Variants in KNTC1 observed in about 807,000 individuals in gnomAD.
KNTC1 encodes kinetochore associated 1, also known as kinetochore-associated protein 1.
Under a neutral mutation model 314.4 loss-of-function variants are expected in KNTC1, and 253 were observed. The observed-to-expected ratio is 0.80, with a 90% CI of 0.73 to 0.89. KNTC1 has a LOEUF of 0.89. Ranked by LOEUF, KNTC1 falls within the 40% of genes least tolerant of loss-of-function variation. KNTC1 has a pLI of 0.00. For missense variants in KNTC1, 2,475 were observed against 2,572.9 expected, an observed-to-expected ratio of 0.96 and a Z score of 0.82; for synonymous variants, 901 against 901.4, an observed-to-expected ratio of 1.00 and a Z score of 0.01.
Position 122,530,169 on chromosome 12 carries a change from C to T in KNTC1, c.106C>T (p.Leu36=), listed in dbSNP as rs775138349. The T allele has an allele frequency of 6.2e-7, 1 of 1,613,280 alleles. No homozygotes were observed. Residue 36 remains leucine (L), a synonymous_variant, in exon 2 of 64, where the codon CTA becomes TTA. Transcript: ENST00000333479. ...AACTGCTTTATATCAAGTAGATTTGCTAGTGAAGATCTCTTCTGAAAAGGT... is the reference window on the plus strand; with the variant it reads ...AACTGCTTTATATCAAGTAGATTTGTTAGTGAAGATCTCTTCTGAAAAGGT... The part of the protein sequence containing the change: ...HGTALYQVDL[L]VKISSEKASL...
chr12:122,626,178 A>G, intron 63 of KNTC1, 27 bp from the exon 64 acceptor site: 2 of 1,527,512 alleles, frequency 1.3e-6, no homozygotes, highest in Non-Finnish European at 1.8e-6. Flanking sequence ...ACTTATAAAA[A>G]TCACTTCTGT....
intron 4 of KNTC1, among the ~76,000 whole-genome samples, chr12:122,538,759 T>C (rs1401860348): frequency 6.6e-6 from 1 of 152,202 alleles, no homozygotes; most frequent in Non-Finnish European, 1.5e-5. Context: ...CCGAAGGGCT[T>C]AGCTCTTGTC....
At chr12:122,542,701 G>T (rs992096608) in intron 6 of KNTC1, among the ~76,000 whole-genome samples, 3 of 152,060 alleles carry the variant, frequency 2.0e-5, no homozygotes, top group Non-Finnish European at 4.4e-5. Context: ...GGAGGCAGAG[G>T]TGCGGTGAGC....
At chr12:122,528,260 C>T (rs1434290122) in intron 1 of KNTC1, among the ~76,000 whole-genome samples, 1 of 152,206 alleles carries the variant, frequency 6.6e-6, no homozygotes, top group Admixed American at 6.5e-5. Context: ...CTCCTCACTC[C>T]CACCCAAACA....
chr12:122,544,984 A>G (rs1455983686), intron 8 of KNTC1, among the ~76,000 whole-genome samples: 2 of 152,168 alleles, frequency 1.3e-5, no homozygotes, highest in Non-Finnish European at 2.9e-5. Flanking sequence ...GTTATTAGTG[A>G]AATGGGAACG....
chr12:122,551,237 C>G, intron 13 of KNTC1, 82 bp from the exon 14 acceptor site: 3 of 904,684 alleles, frequency 3.3e-6, no homozygotes, highest in Non-Finnish European at 5.2e-6. Context: ...ATAATTCATG[C>G]CTGAACCAGT....
chr12:122,582,707 G>A lies in KNTC1; in HGVS notation c.2985G>A (p.Glu995=). Reference sequence around the variant, plus strand: ...TGTCTTGCTTACCTTTGCTACAGGAGAACTTTGAGGTCTTTCTTTCATTTG... The same window carrying A: ...TGTCTTGCTTACCTTTGCTACAGGAAAACTTTGAGGTCTTTCTTTCATTTG... ...KLFKEVASLQ[E]NFEVFLSFED... is the part of the protein sequence containing the mutation. The change falls in exon 34 of 64, where the codon GAG becomes GAA. Residue 995 remains glutamate, a splice_region_variant and synonymous_variant. Coordinates refer to ENST00000333479, the MANE Select transcript of KNTC1 (RefSeq NM_014708.6). 1.3e-6 allele frequency: 2 copies of A among 1,591,388 alleles called. No homozygotes were observed. The highest frequency in any genetic ancestry group is 1.7e-6 in the Non-Finnish European group (2 of 1,166,526).
chr12:122,554,064 T>TAA lies in KNTC1; in HGVS notation c.1272+2380_1272+2381dup, dbSNP rs71085821. On this transcript the variant is annotated intron_variant, in intron 16 of 63. Transcript: ENST00000333479. ...GTTTTAAACATACAGAATACTTCCT[T>TAA]AAAAAAAAAAAAATATATATATATA... 8.1e-3 allele frequency among the ~76,000 whole-genome samples: 992 copies of TAA among 122,508 alleles called. 5 individuals are homozygous for TAA. The highest frequency in any genetic ancestry group is 0.019 in the East Asian group (79 of 4,268). The allele number at this position is 122,508 out of a possible 152,430, so 80.4% of individuals were successfully genotyped here. A position where few individuals can be genotyped will look rare whatever the true frequency, so the allele number is the denominator to read the frequency against.
chr12:122,546,476 C>T (rs777238201), intron 9 of KNTC1, 146 bp from the exon 10 acceptor site: 2 of 658,720 alleles, frequency 3.0e-6, no homozygotes, highest in Non-Finnish European at 2.6e-6. Flanking sequence ...TTTTAGTAAT[C>T]ACCTAACAGA....
chr12:122,618,988 G>A (rs1187575577), intron 59 of KNTC1, among the ~76,000 whole-genome samples: 4 of 151,512 alleles, frequency 2.6e-5, no homozygotes, highest in African/African-American at 9.7e-5. Flanking sequence ...CCAAATTGCT[G>A]GGATTACAGG....
chr12:122,572,555 G>A (rs1360017890), intron 24 of KNTC1, among the ~76,000 whole-genome samples: 1 of 151,850 alleles, frequency 6.6e-6, no homozygotes, highest in African/African-American at 2.4e-5. Flanking sequence ...TATCAATATT[G>A]AAGGTTCTGT....
At position 122,573,067 on chromosome 12, in the gene KNTC1, G is replaced by A; in HGVS notation, c.2139+11G>A. On this transcript the variant is annotated intron_variant, in intron 25 of 63. Coordinates refer to ENST00000333479, the MANE Select transcript of KNTC1 (RefSeq NM_014708.6). ...TCTGATTTTGAGAAGGTAAAGTCCAGGGTCATAAGAATTATTTTGTATATC... is the reference window on the plus strand; with the variant it reads ...TCTGATTTTGAGAAGGTAAAGTCCAAGGTCATAAGAATTATTTTGTATATC... 1 of 1,612,736 alleles carries A rather than the reference G, an allele frequency of 6.2e-7. No homozygotes were observed. Among genetic ancestry groups the A allele is most frequent in the African/African-American group, 1.3e-5 (1 of 75,016 alleles).
Position 122,543,648 on chromosome 12 carries a change from T to A in KNTC1, c.558+14T>A. 7 of 1,488,702 alleles carry A rather than the reference T, an allele frequency of 4.7e-6. No homozygotes were observed. The highest frequency in any genetic ancestry group is 6.4e-6 in the Non-Finnish European group (7 of 1,098,532). The allele number at this position is 1,488,702 out of a possible 1,614,324, so 92.2% of individuals were successfully genotyped here. A position where few individuals can be genotyped will look rare whatever the true frequency, so the allele number is the denominator to read the frequency against. On this transcript the variant is annotated intron_variant, in intron 7 of 63. Coordinates refer to ENST00000333479, the MANE Select transcript of KNTC1 (RefSeq NM_014708.6). ...ACAGCAAAAAAGGTAAGAAAATAAA[T>A]CCATATTGTCCTCTTAAAAAAATTA...
At chr12:122,578,268 C>A (rs1965162636) in intron 31 of KNTC1, among the ~76,000 whole-genome samples, 1 of 151,834 alleles carries the variant, frequency 6.6e-6, no homozygotes, top group Middle Eastern at 3.2e-3. Flanking sequence ...AATTTTTTCT[C>A]TTTTTTTAAA....
At chr12:122,528,836 CTGTA>C (rs1195452417) in intron 1 of KNTC1, among the ~76,000 whole-genome samples, 1 of 150,864 alleles carries the variant, frequency 6.6e-6, no homozygotes, top group Non-Finnish European at 1.5e-5. Flanking sequence ...TGACGGCAAA[CTGTA>C]TATATATATT....
intron 63 of KNTC1, among the ~76,000 whole-genome samples, chr12:122,625,756 T>G (rs960509075): frequency 5.3e-5 from 8 of 152,224 alleles, no homozygotes; most frequent in Non-Finnish European, 1.5e-5. Flanking sequence ...TAATTTATTT[T>G]TACTCCCATT....
chr12:122,618,274 G>C, intron 57 of KNTC1, 69 bp from the exon 58 acceptor site: 3 of 1,418,610 alleles, frequency 2.1e-6, no homozygotes, highest in Non-Finnish European at 3.0e-6. Flanking sequence ...GCCTGGCCTA[G>C]ACTGCAAATT....
At chr12:122,551,944 G>A (rs1212250112) in intron 16 of KNTC1, among the ~76,000 whole-genome samples, 1 of 151,582 alleles carries the variant, frequency 6.6e-6, no homozygotes, top group Non-Finnish European at 1.5e-5. Flanking sequence ...GTCTTACTCT[G>A]TTGCCCAGGC....
Position 122,544,126 on chromosome 12 carries a change from A to T in KNTC1, c.559-33A>T, listed in dbSNP as rs556344157. On this transcript the variant is annotated intron_variant, in intron 7 of 63. Coordinates refer to ENST00000333479, the MANE Select transcript of KNTC1 (RefSeq NM_014708.6). The stretch of plus-strand genomic sequence containing the variant: ...ATTTTATGGAGCATAAATATGTATT[A>T]TATATATGACGTTGTTGTTTTTAAT... The T allele has an allele frequency of 5.7e-6, 5 of 870,360 alleles. No homozygotes were observed. In the South Asian group the frequency reaches 7.7e-5, roughly 13 times the overall value. The allele number at this position is 870,360 out of a possible 1,614,324, so 53.9% of individuals were successfully genotyped here. A position where few individuals can be genotyped will look rare whatever the true frequency, so the allele number is the denominator to read the frequency against.
Sources: allele counts gnomAD v4.1 joint callset (sites outside exome capture counted in the v4.1 genomes callset), GRCh38; gene constraint gnomAD v4.1.1; transcripts MANE v1.5; gene names NCBI Gene and HGNC (gene_info 2026-07-23, HGNC 2026-07-21).